CACNA2D3: variants seen among roughly 807,000 people sequenced by gnomAD.
CACNA2D3 encodes the protein voltage-dependent calcium channel subunit alpha-2/delta-3.
Under a neutral mutation model 160.6 loss-of-function variants are expected in CACNA2D3, and 60 were observed. The ratio of observed to expected loss-of-function variants is 0.37; its 90% CI spans 0.30 to 0.46. The LOEUF is 0.46. Among genes scored for constraint, CACNA2D3 ranks in the 20% least tolerant of loss-of-function variants. The pLI, the probability that CACNA2D3 is intolerant of heterozygous loss-of-function variation, is 1.00. For synonymous variants in CACNA2D3, 558 were observed against 492.9 expected, an observed-to-expected ratio of 1.13 and a Z score of -1.75; for missense variants, 1,205 against 1,365.0, an observed-to-expected ratio of 0.88 and a Z score of 1.85.
chr3:54,678,033 CGGAG>C (rs1011805305), intron 11 of CACNA2D3, among the ~76,000 whole-genome samples: 3 of 151,970 alleles, frequency 2.0e-5, no homozygotes, highest in Admixed American at 1.3e-4. Context: ...AAGGAAAAGA[CGGAG>C]GGAGTGGTAG....
At chr3:54,519,171 G>T (rs1486916259) in intron 5 of CACNA2D3, among the ~76,000 whole-genome samples, 5 of 41,176 alleles carry the variant, frequency 1.2e-4, no homozygotes, top group Non-Finnish European at 2.3e-4. Flanking sequence ...TCTGCCATGT[G>T]TTGTGAAGGC....
At chr3:54,536,451 G>A (rs779757686) in intron 5 of CACNA2D3, among the ~76,000 whole-genome samples, 9 of 152,204 alleles carry the variant, frequency 5.9e-5, no homozygotes, top group Non-Finnish European at 4.4e-5. Flanking sequence ...ACAATCTCAA[G>A]GACGATGGGG....
In CACNA2D3 at chr3:54,984,395, A is replaced by T. The variant is rs1702570887; in HGVS notation, c.2557-213A>T. 1.3e-5 allele frequency among the ~76,000 whole-genome samples: 2 copies of T among 151,764 alleles called. No individual in the cohort carries two copies. The highest frequency in any genetic ancestry group is 4.2e-4 in the South Asian group (2 of 4,800). On this transcript the variant is annotated intron_variant, in intron 29 of 37. Transcript: ENST00000474759. ...TCATTCAAGACTCGTTCAGTCTTTT[A>T]TTTTTGTTAGTTTTGCAAAGTAAAC...
At chr3:54,234,178 A>G (rs4927994) in intron 2 of CACNA2D3, among the ~76,000 whole-genome samples, 57,327 of 151,996 alleles carry the variant, frequency 0.38, 11,227 homozygotes, top group East Asian at 0.61. Flanking sequence ...AAACTCCATT[A>G]AAAAGTGGCG....
In CACNA2D3 at chr3:54,276,749, T is replaced by C. The variant is rs541683080; in HGVS notation, c.205-43693T>C. ...GGAGAGAGGATGGTAAAGAAGTTTT[T>C]TTCTGTGCATTTCTTCCAGGTTAAG... is the stretch of plus-strand genomic sequence containing the variant. On this transcript the variant is annotated intron_variant, in intron 2 of 37. Transcript: ENST00000474759. 1.6e-4 allele frequency among the ~76,000 whole-genome samples: 25 copies of C among 152,202 alleles called. No homozygotes were observed. In the East Asian group the frequency reaches 2.3e-3, roughly 14 times the overall value.
intron 2 of CACNA2D3, among the ~76,000 whole-genome samples, chr3:54,207,064 T>G (rs1701288174): frequency 6.6e-6 from 1 of 152,216 alleles, no homozygotes; most frequent in African/African-American, 2.4e-5. Flanking sequence ...GAGTCAGGCC[T>G]GCTTCTGCTG....
At chr3:54,804,772 C>T (rs1384700280) in intron 13 of CACNA2D3, among the ~76,000 whole-genome samples, 1 of 152,180 alleles carries the variant, frequency 6.6e-6, no homozygotes, top group Non-Finnish European at 1.5e-5. Context: ...CACACCACAC[C>T]TATTCCAGAA....
At chr3:54,662,039 CTG>C (rs1699983054) in intron 11 of CACNA2D3, among the ~76,000 whole-genome samples, 1 of 152,138 alleles carries the variant, frequency 6.6e-6, no homozygotes, top group Non-Finnish European at 1.5e-5. Flanking sequence ...TGGGGTTTCT[CTG>C]TATTAACTCT....
intron 2 of CACNA2D3, among the ~76,000 whole-genome samples, chr3:54,208,509 A>G (rs549793785): frequency 9.2e-5 from 14 of 152,270 alleles, no homozygotes; most frequent in East Asian, 1.9e-4. Context: ...GGAATTGTCA[A>G]TCTCTGAATG....
chr3:54,862,776 G>A (rs775701188), intron 17 of CACNA2D3, among the ~76,000 whole-genome samples: 9 of 152,292 alleles, frequency 5.9e-5, no homozygotes, highest in South Asian at 2.1e-4. Flanking sequence ...TCCCTCTTCC[G>A]TGGTGGTTAG....
intron 3 of CACNA2D3, among the ~76,000 whole-genome samples, chr3:54,349,086 C>T (rs1305187442): frequency 6.6e-6 from 1 of 152,090 alleles, no homozygotes; most frequent in Non-Finnish European, 1.5e-5. Flanking sequence ...TTGGTTGTGT[C>T]CCAGGGAGGG....
chr3:54,198,574 T>C lies in CACNA2D3; in HGVS notation c.204+74980T>C, dbSNP rs1400540448. Among the ~76,000 whole-genome samples the C allele has an allele frequency of 7.2e-5, 11 of 152,400 alleles. No individual in the cohort carries two copies. The East Asian group carries it at 2.1e-3, about 29-fold the overall frequency. On this transcript the variant is annotated intron_variant, in intron 2 of 37. Transcript: ENST00000474759. ...TGGACAATGAAATTAAATTGGTCAATTTTTAGCACATCAAATGGCTTTGTT... is the reference window on the plus strand; with the variant it reads ...TGGACAATGAAATTAAATTGGTCAACTTTTAGCACATCAAATGGCTTTGTT...
At position 54,227,231 on chromosome 3, in the gene CACNA2D3, C is replaced by T. The variant is rs368218576; in HGVS notation, c.205-93211C>T. On this transcript the variant is annotated intron_variant, in intron 2 of 37. Coordinates refer to ENST00000474759, the MANE Select transcript of CACNA2D3 (RefSeq NM_018398.3). ...TTACTGTGTAGGGGCTATGTTTTCA[C>T]GTTCAGGATCTGGGTGTTTGGCACC... 7.2e-5 allele frequency among the ~76,000 whole-genome samples: 11 copies of T among 152,186 alleles called. No individual in the cohort carries two copies. The East Asian group carries it at 9.7e-4, about 13-fold the overall frequency.
chr3:54,158,137 G>A (rs143322072), intron 2 of CACNA2D3, among the ~76,000 whole-genome samples: 191 of 152,270 alleles, frequency 1.3e-3, no homozygotes, highest in Admixed American at 3.3e-3. Flanking sequence ...CTTTAGCAGG[G>A]GCTGGGAGGT....
intron 2 of CACNA2D3, among the ~76,000 whole-genome samples, chr3:54,200,908 A>G (rs1362180955): frequency 6.6e-6 from 1 of 152,160 alleles, no homozygotes; most frequent in Non-Finnish European, 1.5e-5. Flanking sequence ...ATATTTCTTT[A>G]TGGTTCAAAA....
intron 11 of CACNA2D3, among the ~76,000 whole-genome samples, chr3:54,729,961 T>C (rs1448625217): frequency 2.9e-5 from 4 of 138,242 alleles, no homozygotes; most frequent in Admixed American, 2.5e-4. Context: ...ATCACACCAC[T>C]GCACTCCAAC....
intron 27 of CACNA2D3, among the ~76,000 whole-genome samples, chr3:54,912,038 G>A (rs1280364718): frequency 6.6e-6 from 1 of 152,146 alleles, no homozygotes; most frequent in African/African-American, 2.4e-5. Flanking sequence ...TCATCTGAAG[G>A]CTCAACAGAG....
intron 11 of CACNA2D3, among the ~76,000 whole-genome samples, chr3:54,679,449 C>T (rs1240025904): frequency 2.0e-5 from 3 of 152,186 alleles, no homozygotes; most frequent in Admixed American, 6.5e-5. Context: ...ACTCCATATC[C>T]TCTCTGTGTG....
chr3:54,532,801 C>T (rs1559506142), intron 5 of CACNA2D3, among the ~76,000 whole-genome samples: 1 of 152,116 alleles, frequency 6.6e-6, no homozygotes, highest in African/African-American at 2.4e-5. Flanking sequence ...ACTTCTTTTC[C>T]TTTGGGTGTG....
Sources: allele counts gnomAD v4.1 joint callset (sites outside exome capture counted in the v4.1 genomes callset), GRCh38; gene constraint gnomAD v4.1.1; transcripts MANE v1.5; gene names NCBI Gene and HGNC (gene_info 2026-07-23, HGNC 2026-07-21).